The following BLM variants were observed in gnomAD, a reference collection of about 807,000 sequenced individuals.
BLM encodes the protein BLM RecQ like helicase.
BLM carries 95 observed loss-of-function variants against 135.3 expected under a neutral mutation model. The ratio of observed to expected loss-of-function variants is 0.70; its 90% CI spans 0.59 to 0.83. The LOEUF is 0.83. Among genes scored for constraint, BLM ranks in the 40% least tolerant of loss-of-function variants. The probability of loss-of-function intolerance (pLI) is 0.00; values close to 1 mark genes in which losing one functional copy is unlikely to be tolerated. For missense variants in BLM, 1,518 were observed against 1,663.9 expected, an observed-to-expected ratio of 0.91 and a Z score of 1.53; for synonymous variants, 520 against 589.2, an observed-to-expected ratio of 0.88 and a Z score of 1.70.
At position 90,744,621 on chromosome 15, in the gene BLM, C is replaced by T. The variant is rs568063738; in HGVS notation, c.-4-2768C>T. On this transcript the variant is annotated intron_variant, in intron 1 of 21. Transcript: ENST00000355112. Reference sequence around the variant, plus strand: ...TCCTGACCTCATGATCCGCCCACCTCGGCCTTCCAAAGTGCTGGGATTACA... The same window carrying T: ...TCCTGACCTCATGATCCGCCCACCTTGGCCTTCCAAAGTGCTGGGATTACA... 3.2e-3 allele frequency among the ~76,000 whole-genome samples: 487 copies of T among 152,224 alleles called. 2 individuals carry two copies. Among genetic ancestry groups the T allele is most frequent in the African/African-American group, 0.011 (464 of 41,550 alleles).
intron 15 of BLM, among the ~76,000 whole-genome samples, chr15:90,793,259 C>T (rs553882980): frequency 1.3e-5 from 2 of 151,862 alleles, no homozygotes; most frequent in Admixed American, 6.6e-5. Flanking sequence ...CTCAGCCTCC[C>T]GACTAGCAGG....
rs878853555 is a variant in BLM, at chr15:90,749,968, G to A, written c.700G>A (p.Asp234Asn). 29 of 1,614,096 alleles carry A rather than the reference G, an allele frequency of 1.8e-5. No homozygotes were observed. Among genetic ancestry groups the A allele is most frequent in the South Asian group, 2.2e-5 (2 of 91,088 alleles). The part of the protein sequence containing the change: ...QKDDSEWLSS[D>N]VICIDDGPIA... The stretch of plus-strand genomic sequence containing the variant: ...GGATGACTCAGAATGGTTAAGCAGC[G>A]ATGTGATTTGCATCGATGATGGCCC... The change falls in exon 3 of 22, where the codon GAT becomes AAT. Residue 234 changes from aspartate to asparagine, a missense_variant. Around this residue, in one of 5 missense-constraint regions of BLM, gnomAD observed 724 missense variants for 756.9 expected, o/e 0.96. Coordinates refer to ENST00000355112, the MANE Select transcript of BLM (RefSeq NM_000057.4).
At chr15:90,733,661 A>G (rs1188272043) in intron 1 of BLM, among the ~76,000 whole-genome samples, 2 of 152,222 alleles carry the variant, frequency 1.3e-5, no homozygotes, top group African/African-American at 4.8e-5. Flanking sequence ...AAGTAGCTTT[A>G]TTGATATAGA....
chr15:90,780,677 T>C (rs1896595926), intron 12 of BLM, among the ~76,000 whole-genome samples: 1 of 152,206 alleles, frequency 6.6e-6, no homozygotes, highest in African/African-American at 2.4e-5. Context: ...AAGCAAGATT[T>C]GAATTTGCTG....
chr15:90,760,326 C>T (rs1895939378), intron 6 of BLM, 47 bp downstream of exon 6: 2 of 1,610,150 alleles, frequency 1.2e-6, no homozygotes, highest in Admixed American at 1.7e-5. Context: ...TATATTTCTA[C>T]CACTCTAAGT....
At chr15:90,720,245 C>T (rs1894729785) in intron 1 of BLM, among the ~76,000 whole-genome samples, 1 of 152,162 alleles carries the variant, frequency 6.6e-6, no homozygotes, top group Non-Finnish European at 1.5e-5. Flanking sequence ...ACCATGATGC[C>T]TGGCACAGAG....
intron 4 of BLM, among the ~76,000 whole-genome samples, chr15:90,753,052 A>G (rs951437724): frequency 3.3e-5 from 5 of 152,208 alleles, no homozygotes; most frequent in East Asian, 1.9e-4. Context: ...AATCATTTTA[A>G]CAAGGATTCT....
At chr15:90,784,073 A>G (rs1896681072) in intron 13 of BLM, among the ~76,000 whole-genome samples, 1 of 152,042 alleles carries the variant, frequency 6.6e-6, no homozygotes, top group Non-Finnish European at 1.5e-5. Context: ...GCATTTTCCC[A>G]TGTCTTTTAA....
At chr15:90,814,921 G>A (rs1439154890) in intron 21 of BLM, among the ~76,000 whole-genome samples, 181 bp from the exon 22 acceptor site, 4 of 152,078 alleles carry the variant, frequency 2.6e-5, no homozygotes, top group East Asian at 1.9e-4. Context: ...GAAGGGCCGC[G>A]GTCCTTTATT....
At chr15:90,771,873 A>G (rs1015047784) in intron 12 of BLM, among the ~76,000 whole-genome samples, 3 of 152,102 alleles carry the variant, frequency 2.0e-5, no homozygotes, top group Non-Finnish European at 2.9e-5. Context: ...AACAGTGTAC[A>G]TATTTATTTA....
chr15:90,806,065 A>C (rs951979710), intron 19 of BLM, among the ~76,000 whole-genome samples: 4 of 152,192 alleles, frequency 2.6e-5, no homozygotes, highest in African/African-American at 7.2e-5. Flanking sequence ...ATAAAAATCA[A>C]TGTCCAAATC....
intron 10 of BLM, among the ~76,000 whole-genome samples, chr15:90,768,077 G>A (rs1334050340): frequency 3.3e-5 from 5 of 151,736 alleles, no homozygotes; most frequent in Non-Finnish European, 7.4e-5. Context: ...CAAGTAGCTA[G>A]GAATACAGGT....
At chr15:90,752,424 G>A (rs1567037029) in intron 4 of BLM, among the ~76,000 whole-genome samples, 2 of 152,072 alleles carry the variant, frequency 1.3e-5, no homozygotes, top group Non-Finnish European at 2.9e-5. Flanking sequence ...CAATCCGCCC[G>A]CCTTGGCCTC....
chr15:90,776,271 A>C (rs1896475296), intron 12 of BLM, among the ~76,000 whole-genome samples: 2 of 152,204 alleles, frequency 1.3e-5, no homozygotes, highest in Non-Finnish European at 1.5e-5. Flanking sequence ...TCTCTGGGAA[A>C]ATAAGCAAGA....
rs2151152210 is a variant in BLM, at chr15:90,754,872, C to T, written c.1021C>T (p.Leu341Phe). 1.2e-6 allele frequency: 2 copies of T among 1,613,906 alleles called. No homozygotes were observed. Among genetic ancestry groups the T allele is most frequent in the Non-Finnish European group, 8.5e-7 (1 of 1,179,922 alleles). ...KEDVLSTSKD[L>F]LSKPEKMSMQ... ...GGATGTTCTTAGCACATCAAAAGAT[C>T]TTTTGTCAAAACCTGAGAAAATGAG... Residue 341 changes from leucine to phenylalanine, a missense_variant, in exon 5 of 22, where the codon CTT (leucine) becomes TTT (phenylalanine). Coordinates refer to ENST00000355112, the MANE Select transcript of BLM (RefSeq NM_000057.4).
intron 1 of BLM, among the ~76,000 whole-genome samples, chr15:90,725,753 C>T (rs1421856830): frequency 2.0e-5 from 3 of 151,064 alleles, no homozygotes; most frequent in East Asian, 3.9e-4. Flanking sequence ...CCTCGTGATC[C>T]ACCCGCCTCG....
intron 1 of BLM, among the ~76,000 whole-genome samples, chr15:90,734,298 T>A (rs1443999923): frequency 1.3e-5 from 2 of 151,910 alleles, no homozygotes; most frequent in Non-Finnish European, 2.9e-5. Context: ...ACTTCTTTTT[T>A]TTTTTTTGAG....
intron 5 of BLM, among the ~76,000 whole-genome samples, chr15:90,755,535 T>G (rs1335977761): frequency 6.6e-6 from 1 of 152,218 alleles, no homozygotes; most frequent in Non-Finnish European, 1.5e-5. Context: ...CAGATAGCAG[T>G]GCAAGACTTT....
intron 8 of BLM, 90 bp from the exon 9 acceptor site, chr15:90,765,206 T>C: frequency 9.8e-7 from 1 of 1,018,066 alleles, no homozygotes. Flanking sequence ...TGCCTTGGTG[T>C]CCTATTAATG....
Sources: gnomAD v4.1 joint callset for allele counts (sites outside exome capture counted in the v4.1 genomes callset) on GRCh38, gnomAD v4.1.1 for gene constraint, gnomAD v4.1.1 regional missense constraint, MANE v1.5 for transcripts, NCBI Gene and HGNC (gene_info 2026-07-23, HGNC 2026-07-21) for gene names.